SLC39A12: variants seen among roughly 807,000 people sequenced by gnomAD.
SLC39A12 encodes zinc transporter ZIP12.
Under a neutral mutation model 71.1 loss-of-function variants are expected in SLC39A12, and 63 were observed. That is an observed-to-expected ratio of 0.89 (90% confidence interval 0.72 to 1.09). SLC39A12 has a LOEUF of 1.09. SLC39A12 is among the 50% of genes least tolerant of loss of function. SLC39A12 has a pLI of 0.00. For missense variants in SLC39A12, 892 were observed against 812.6 expected, an observed-to-expected ratio of 1.10 and a Z score of -1.19; for synonymous variants, 351 against 301.3, an observed-to-expected ratio of 1.16 and a Z score of -1.71.
At chr10:18,034,329 G>A (rs375403599) in intron 12 of SLC39A12, among the ~76,000 whole-genome samples, 2 of 151,578 alleles carry the variant, frequency 1.3e-5, no homozygotes, top group African/African-American at 2.4e-5. Context: ...ATGAATCTGG[G>A]TGCTCCTGTA....
intron 4 of SLC39A12, among the ~76,000 whole-genome samples, chr10:17,970,895 G>A (rs919675088): frequency 1.3e-5 from 2 of 151,948 alleles, no homozygotes; most frequent in Non-Finnish European, 2.9e-5. Flanking sequence ...TGAGAGAAAG[G>A]GCTTTCAGTT....
intron 12 of SLC39A12, among the ~76,000 whole-genome samples, chr10:18,025,669 T>A (rs1413738445): frequency 6.6e-6 from 1 of 152,092 alleles, no homozygotes; most frequent in Admixed American, 6.6e-5. Context: ...GTCTTTGCTC[T>A]TGTGAATAGT....
At chr10:18,003,438 G>T (rs768403180) in intron 12 of SLC39A12, 80 bp downstream of exon 12, 37 of 1,247,402 alleles carry the variant, frequency 3.0e-5, no homozygotes, top group Non-Finnish European at 4.0e-5. Flanking sequence ...AAAAATGGAA[G>T]GATAAATGAG....
In SLC39A12 at chr10:17,961,727, T is replaced by C. The variant is rs1564638742; in HGVS notation, c.408T>C (p.Ser136=). The C allele has an allele frequency of 6.2e-7, 1 of 1,614,062 alleles. No homozygotes were observed. Residue 136 remains serine, a synonymous_variant, in exon 3 of 13, where the codon AGT becomes AGC. Coordinates refer to ENST00000377369, the MANE Select transcript of SLC39A12 (RefSeq NM_001145195.2). ...EEICSSKLNM[S]NKEYKFYLHS... ...TCTGTTCTTCAAAGCTCAACATGAG[T>C]AATAAAGAGTATAAATTTTACCTAC...
At chr10:18,036,783 TATATATA>T (rs1275937045) in intron 12 of SLC39A12, among the ~76,000 whole-genome samples, 241 of 12,040 alleles carry the variant, frequency 0.02, 24 homozygotes, top group African/African-American at 0.063. Context: ...TATATATATA[TATATATA>T]TATATTTTTT....
intron 12 of SLC39A12, among the ~76,000 whole-genome samples, chr10:18,012,582 A>G (rs534937078): frequency 6.6e-6 from 1 of 152,306 alleles, no homozygotes; most frequent in South Asian, 2.1e-4. Flanking sequence ...GACTATTGAA[A>G]GGGTGGCTGG....
At chr10:18,019,361 T>C (rs1265601926) in intron 12 of SLC39A12, among the ~76,000 whole-genome samples, 1 of 152,046 alleles carries the variant, frequency 6.6e-6, no homozygotes, top group African/African-American at 2.4e-5. Flanking sequence ...TTGTCGAATT[T>C]CTGTATTGAT....
At chr10:17,997,929 G>A (rs1446203172) in intron 10 of SLC39A12, among the ~76,000 whole-genome samples, 1 of 152,164 alleles carries the variant, frequency 6.6e-6, no homozygotes, top group Non-Finnish European at 1.5e-5. Flanking sequence ...ATGAATAGAG[G>A]TAAAATATTA....
intron 12 of SLC39A12, among the ~76,000 whole-genome samples, chr10:18,039,359 G>GT (rs1475530704): frequency 6.6e-6 from 1 of 152,200 alleles, no homozygotes. Context: ...AGCTTACTGG[G>GT]ACAAAGGAAG....
chr10:17,995,532 C>CTAA, intron 9 of SLC39A12, 124 bp from the exon 10 acceptor site: 1 of 788,646 alleles, frequency 1.3e-6, no homozygotes. Context: ...ACCTGAGGTT[C>CTAA]TAATATACAT....
intron 7 of SLC39A12, among the ~76,000 whole-genome samples, chr10:17,989,640 C>T (rs1029246802): frequency 9.2e-5 from 14 of 151,986 alleles, no homozygotes; most frequent in Non-Finnish European, 1.6e-4. Flanking sequence ...AGACAAGAGC[C>T]GGGTGCAGTG....
At chr10:17,963,535 T>C (rs1834744768) in intron 3 of SLC39A12, among the ~76,000 whole-genome samples, 1 of 152,240 alleles carries the variant, frequency 6.6e-6, no homozygotes, top group Non-Finnish European at 1.5e-5. Flanking sequence ...CAACACCTGC[T>C]GAGTCATAAC....
intron 5 of SLC39A12, among the ~76,000 whole-genome samples, chr10:17,978,805 C>T (rs1019827053): frequency 6.6e-6 from 1 of 152,170 alleles, no homozygotes. Context: ...GGTATCCTAA[C>T]GTGGGACACC....
At chr10:17,953,973 C>G (rs149260964) in intron 2 of SLC39A12, among the ~76,000 whole-genome samples, 3 of 152,268 alleles carry the variant, frequency 2.0e-5, no homozygotes, top group African/African-American at 7.2e-5. Flanking sequence ...ATGGTATTTT[C>G]TAATATTATG....
At chr10:17,975,813 G>C (rs570551709) in intron 4 of SLC39A12, among the ~76,000 whole-genome samples, 1 of 152,296 alleles carries the variant, frequency 6.6e-6, no homozygotes, top group South Asian at 2.1e-4. Flanking sequence ...TTAGCCTGAG[G>C]TGGCAAGGCT....
At position 17,976,349 on chromosome 10, in the gene SLC39A12, A is replaced by ATGCTC. The variant is rs568895748; in HGVS notation, c.752-1552_752-1548dup. Among the ~76,000 whole-genome samples, 11 of 152,198 alleles carry ATGCTC rather than the reference A, an allele frequency of 7.2e-5. No homozygotes were observed. The East Asian group carries it at 2.1e-3, about 29-fold the overall frequency. ...AAGAAATCAGCCATTAATTGTAGTG[A>ATGCTC]TGCTCCCAGGTAGGTGATGAGTCAT... On this transcript the variant is annotated intron_variant, in intron 4 of 12. Transcript: ENST00000377369.
At chr10:17,987,924 A>T (rs1835445170) in intron 7 of SLC39A12, among the ~76,000 whole-genome samples, 1 of 152,198 alleles carries the variant, frequency 6.6e-6, no homozygotes, top group African/African-American at 2.4e-5. Context: ...CTGTAATCCC[A>T]GTACCATGGA....
intron 6 of SLC39A12, among the ~76,000 whole-genome samples, chr10:17,985,984 A>C (rs192448739): frequency 6.6e-6 from 1 of 152,326 alleles, no homozygotes; most frequent in East Asian, 1.9e-4. Context: ...CACTCATTTT[A>C]GTCACTGAAA....
chr10:17,965,722 G>A, intron 4 of SLC39A12, 32 bp downstream of exon 4: 1 of 1,548,740 alleles, frequency 6.5e-7, no homozygotes. Flanking sequence ...TAACTTCCAA[G>A]TCACACCTGC....
Sources: gnomAD v4.1 joint callset for allele counts (sites outside exome capture counted in the v4.1 genomes callset) on GRCh38, gnomAD v4.1.1 for gene constraint, MANE v1.5 for transcripts, NCBI Gene and HGNC (gene_info 2026-07-23, HGNC 2026-07-21) for gene names.